The following BCAS3 variants were observed in gnomAD, a reference collection of about 807,000 sequenced individuals.
BCAS3 encodes the protein BCAS3 microtubule associated cell migration factor.
A neutral mutation model predicts 116.1 loss-of-function variants in BCAS3; 53 were observed. The ratio of observed to expected loss-of-function variants is 0.46; its 90% CI spans 0.37 to 0.57. BCAS3 has a LOEUF of 0.57. Ranked by LOEUF, BCAS3 falls within the 20% of genes least tolerant of loss-of-function variation. The pLI is 0.00. For synonymous variants in BCAS3, 391 were observed against 408.2 expected (o/e 0.96, Z 0.51); for missense variants, 917 against 1,165.4 (o/e 0.79, Z 3.10).
At position 61,028,612 on chromosome 17, in the gene BCAS3, G is replaced by GTTAA. The variant is rs2066422096; in HGVS notation, c.1638-6053_1638-6050dup. On this transcript the variant is annotated intron_variant, in intron 16 of 23. Transcript: ENST00000407086. This position sits in a 1 kb window ranked among gnomAD's most constrained non-coding sequence, Gnocchi z 4.3. The stretch of plus-strand genomic sequence containing the variant: ...AAAGATGGAATAACAACTGTTGTAT[G>GTTAA]TTAAGTAAGTAAAGTTCATTCCTTC... Among the ~76,000 whole-genome samples the GTTAA allele has an allele frequency of 6.6e-6, 1 of 151,884 alleles. No individual in the cohort carries two copies. Among genetic ancestry groups the GTTAA allele is most frequent in the African/African-American group, 2.4e-5 (1 of 41,438 alleles).
rs544566267 is a variant in BCAS3 at position 60,795,071 on chromosome 17, A to G, written c.404-12933A>G. On this transcript the variant is annotated intron_variant, in intron 6 of 23. Transcript: ENST00000407086. ...GGATATGTCTCCATTTGTTTTTGTC[A>G]TCTGTGATTTCTTTCAGCAGTGTTT... Among the ~76,000 whole-genome samples the G allele has an allele frequency of 6.6e-5, 10 of 152,136 alleles. No homozygotes were observed. The South Asian group carries it at 1.2e-3, about 19-fold the overall frequency.
chr17:60,711,017 G>A (rs536861741), intron 5 of BCAS3, among the ~76,000 whole-genome samples: 3 of 151,584 alleles, frequency 2.0e-5, no homozygotes, highest in Non-Finnish European at 4.4e-5. Context: ...TGCCCAGGCT[G>A]GTCTCGAACT....
intron 12 of BCAS3, among the ~76,000 whole-genome samples, chr17:60,915,227 C>A (rs141242802): frequency 6.8e-4 from 104 of 151,912 alleles, no homozygotes; most frequent in African/African-American, 2.2e-3. Flanking sequence ...AGTATAGTAC[C>A]AAAACAAGAA....
chr17:61,203,745 T>C lies in BCAS3; in HGVS notation c.2425+119181T>C, dbSNP rs2080972292. ...TTCTTCCCAGCTGGAACTTTCAGCCTTGTCCCCGAGACCAAAAGCTCAATC... is the reference window on the plus strand; with the variant it reads ...TTCTTCCCAGCTGGAACTTTCAGCCCTGTCCCCGAGACCAAAAGCTCAATC... On this transcript the variant is annotated intron_variant, in intron 22 of 23. Coordinates refer to ENST00000407086, the MANE Select transcript of BCAS3 (RefSeq NM_017679.5). The surrounding 1 kb of genome is among the most constrained non-coding windows in gnomAD (Gnocchi z 5.7). 6.6e-6 allele frequency among the ~76,000 whole-genome samples: 1 copy of C among 152,176 alleles called. No individual in the cohort carries two copies. Among genetic ancestry groups the C allele is most frequent in the African/African-American group, 2.4e-5 (1 of 41,440 alleles).
In BCAS3 at chr17:61,084,640, A is replaced by G. The variant is rs2072929290; in HGVS notation, c.2425+76A>G. ...CTAATTTTCTCGCACAATGTAGAGGATGACATTTATTTGCTTTCCTCTCTG... is the reference window on the plus strand; with the variant it reads ...CTAATTTTCTCGCACAATGTAGAGGGTGACATTTATTTGCTTTCCTCTCTG... On this transcript the variant is annotated intron_variant, in intron 22 of 23. Coordinates refer to ENST00000407086, the MANE Select transcript of BCAS3 (RefSeq NM_017679.5). This position sits in a 1 kb window ranked among gnomAD's most constrained non-coding sequence, Gnocchi z 5.5. 3 of 1,219,970 alleles carry G rather than the reference A, an allele frequency of 2.5e-6. No individual in the cohort carries two copies. The African/African-American group carries it at 4.5e-5, about 18-fold the overall frequency. 75.6% of individuals were successfully genotyped at this position (1,219,970 alleles called of 1,614,324 possible).
intron 22 of BCAS3, among the ~76,000 whole-genome samples, chr17:61,289,963 C>T (rs186712214): frequency 2.0e-5 from 3 of 152,218 alleles, no homozygotes; most frequent in African/African-American, 7.2e-5. Context: ...AAAGTGTGAG[C>T]AAAGCAACTG....
intron 22 of BCAS3, among the ~76,000 whole-genome samples, chr17:61,242,956 G>A (rs2047647462): frequency 6.6e-6 from 1 of 151,206 alleles, no homozygotes; most frequent in Non-Finnish European, 1.5e-5. Flanking sequence ...CATGTCACCA[G>A]GTTGGAGTGC....
intron 7 of BCAS3, among the ~76,000 whole-genome samples, chr17:60,814,596 AAG>A (rs1227662106): frequency 6.6e-6 from 1 of 152,020 alleles, no homozygotes; most frequent in African/African-American, 2.4e-5. Flanking sequence ...GTAGCTTCTT[AAG>A]AGAGTCTTTG....
At chr17:60,737,831 G>A (rs2041130947) in intron 5 of BCAS3, among the ~76,000 whole-genome samples, 1 of 151,342 alleles carries the variant, frequency 6.6e-6, no homozygotes, top group African/African-American at 2.4e-5. Flanking sequence ...TTGTTGCCTG[G>A]GCTGGAGTGC....
At chr17:61,193,896 T>C (rs1396884538) in intron 22 of BCAS3, among the ~76,000 whole-genome samples, 1 of 151,160 alleles carries the variant, frequency 6.6e-6, no homozygotes, top group Non-Finnish European at 1.5e-5. Flanking sequence ...GTGGGCGGAT[T>C]GCTTGAGGTC....
chr17:61,047,331 G>A (rs780840914), intron 19 of BCAS3, among the ~76,000 whole-genome samples: 3 of 152,052 alleles, frequency 2.0e-5, no homozygotes, highest in Middle Eastern at 3.4e-3. Flanking sequence ...TAGGTGGAAC[G>A]ATATGAAATT....
In BCAS3 at chr17:61,326,803, G is replaced by A. The variant is rs2055768186; in HGVS notation, c.2426-41524G>A. ...TCTATGGGTCTTCAGCACAGAAGAGGTGTTTGGTCTAGGGGTTTCCTTAGG... is the reference window on the plus strand; with the variant it reads ...TCTATGGGTCTTCAGCACAGAAGAGATGTTTGGTCTAGGGGTTTCCTTAGG... On this transcript the variant is annotated intron_variant, in intron 22 of 23. Coordinates refer to ENST00000407086, the MANE Select transcript of BCAS3 (RefSeq NM_017679.5). This position sits in a 1 kb window ranked among gnomAD's most constrained non-coding sequence, Gnocchi z 5.3. 6.6e-6 allele frequency among the ~76,000 whole-genome samples: 1 copy of A among 152,150 alleles called. No individual in the cohort carries two copies. Among genetic ancestry groups the A allele is most frequent in the African/African-American group, 2.4e-5 (1 of 41,434 alleles).
intron 22 of BCAS3, among the ~76,000 whole-genome samples, chr17:61,311,882 A>G (rs2054339745): frequency 6.8e-6 from 1 of 146,786 alleles, no homozygotes; most frequent in Admixed American, 6.7e-5. Context: ...TGACAGAGCG[A>G]GACTCCATCT....
In BCAS3 at chr17:61,004,405, A is replaced by G. The variant is rs1279065688; in HGVS notation, c.1487-11346A>G. Among the ~76,000 whole-genome samples the G allele has an allele frequency of 2.6e-5, 4 of 151,630 alleles. No homozygotes were observed. The highest frequency in any genetic ancestry group is 9.7e-5 in the African/African-American group (4 of 41,220). On this transcript the variant is annotated intron_variant, in intron 15 of 23. Transcript: ENST00000407086. This position sits in a 1 kb window ranked among gnomAD's most constrained non-coding sequence, Gnocchi z 4.8. ...TAATTTGGAGAAAAATTGGAGAGGG[A>G]GAAGAGAGTGAGTAGGCTTCTTAGG...
At chr17:60,756,906 G>A (rs1274342916) in intron 6 of BCAS3, among the ~76,000 whole-genome samples, 1 of 152,048 alleles carries the variant, frequency 6.6e-6, no homozygotes, top group Non-Finnish European at 1.5e-5. Flanking sequence ...TCCCTTCTTG[G>A]CCAGGCGCGG....
intron 7 of BCAS3, among the ~76,000 whole-genome samples, chr17:60,827,788 G>A (rs773237721): frequency 5.3e-5 from 8 of 152,060 alleles, no homozygotes; most frequent in East Asian, 1.9e-4. Flanking sequence ...AAGTCTTCCC[G>A]AGTAGCAGTG....
intron 19 of BCAS3, among the ~76,000 whole-genome samples, chr17:61,049,847 C>G (rs915978330): frequency 6.6e-6 from 1 of 151,024 alleles, no homozygotes; most frequent in Admixed American, 6.6e-5. Context: ...ATTCTTCTGC[C>G]TCAGCTTCTC....
At chr17:60,908,004 C>G (rs998230260) in intron 11 of BCAS3, among the ~76,000 whole-genome samples, 9 of 152,192 alleles carry the variant, frequency 5.9e-5, no homozygotes, top group Non-Finnish European at 2.9e-5. Context: ...ACTTCCAGCA[C>G]TTTTCTCTAA....
intron 22 of BCAS3, among the ~76,000 whole-genome samples, chr17:61,166,516 G>C (rs1351200066): frequency 6.8e-6 from 1 of 147,254 alleles, no homozygotes; most frequent in Non-Finnish European, 1.5e-5. Flanking sequence ...TCTTGCCTCT[G>C]CCTCCCAAGT....
Sources: allele counts gnomAD v4.1 joint callset (sites outside exome capture counted in the v4.1 genomes callset), GRCh38; gene constraint gnomAD v4.1.1; non-coding constraint Gnocchi (gnomAD v3.1); transcripts MANE v1.5; gene names NCBI Gene and HGNC (gene_info 2026-07-23, HGNC 2026-07-21).